Variants in WASF3 observed in about 807,000 individuals in gnomAD.
The protein encoded by WASF3 is WASP family member 3.
Under a neutral mutation model 46.6 loss-of-function variants are expected in WASF3, and 11 were observed. That is an observed-to-expected ratio of 0.24 (90% CI 0.15 to 0.39). The LOEUF is 0.39. WASF3 is among the 10% of genes least tolerant of loss of function. WASF3 has a pLI of 1.00. For synonymous variants in WASF3, 242 were observed against 259.7 expected (o/e 0.93, Z 0.65); for missense variants, 576 against 669.8 (o/e 0.86, Z 1.55).
intron 3 of WASF3, among the ~76,000 whole-genome samples, chr13:26,659,242 T>A (rs2137450741): frequency 6.6e-6 from 1 of 152,226 alleles, no homozygotes; most frequent in African/African-American, 2.4e-5. Context: ...CATGTGAGTT[T>A]CTGGAGCAGA....
At position 26,584,925 on chromosome 13, in the gene WASF3, A is replaced by C. The variant is rs527773742; in HGVS notation, c.-109+27106A>C. Among the ~76,000 whole-genome samples, 3 of 152,198 alleles carry C rather than the reference A, an allele frequency of 2.0e-5. No homozygotes were observed. In the East Asian group the frequency reaches 5.8e-4, roughly 29 times the overall value. ...TGTTGTTACTCTGCTGATAGTTCTG[A>C]TAACTCATGCTAACTAAATAGTTAA... On this transcript the variant is annotated intron_variant, in intron 1 of 9. Transcript: ENST00000335327.
At chr13:26,561,501 AGT>A (rs1879294314) in intron 1 of WASF3, among the ~76,000 whole-genome samples, 1 of 152,268 alleles carries the variant, frequency 6.6e-6, no homozygotes, top group African/African-American at 2.4e-5. Context: ...CTGAGGGGAC[AGT>A]GTGTTCAGTT....
intron 1 of WASF3, among the ~76,000 whole-genome samples, chr13:26,562,910 CTCTTT>C (rs1178501033): frequency 3.4e-4 from 27 of 78,494 alleles, no homozygotes; most frequent in East Asian, 3.0e-3. Context: ...CTTTTCTTTT[CTCTTT>C]TCTTTTCTTT....
intron 2 of WASF3, among the ~76,000 whole-genome samples, chr13:26,618,504 G>A (rs1193615947): frequency 4.8e-5 from 3 of 63,032 alleles, no homozygotes; most frequent in Non-Finnish European, 9.4e-5. Flanking sequence ...CCGCCCCCCC[G>A]TCTCTTTCAT....
rs781699495 is a variant in WASF3, at chr13:26,682,627, T to C, written c.1004T>C (p.Ile335Thr). The C allele has an allele frequency of 1.2e-6, 2 of 1,614,138 alleles. No homozygotes were observed. Among genetic ancestry groups the C allele is most frequent in the Admixed American group, 3.3e-5 (2 of 60,028 alleles). The change falls in exon 9 of 10, where the codon ATT (isoleucine) becomes ACT (threonine). Residue 335 changes from isoleucine (I) to threonine (T), a missense_variant. Coordinates refer to ENST00000335327, the MANE Select transcript of WASF3 (RefSeq NM_006646.6). The surrounding 1 kb of genome is among the most constrained non-coding windows in gnomAD (Gnocchi z 4.4). ...CTCAGGATGCTCCCAGCGCAGATAA[T>C]TGAGTATTACAACCCATCCGGACCA... is the stretch of plus-strand genomic sequence containing the variant. ...ADYGMLPAQI[I>T]EYYNPSGPPP...
In WASF3 at chr13:26,659,366, G is replaced by A. The variant is rs941478303; in HGVS notation, c.134-5662G>A. Among the ~76,000 whole-genome samples the A allele has an allele frequency of 1.9e-4, 29 of 152,334 alleles. No homozygotes were observed. In the South Asian group the frequency reaches 2.5e-3, roughly 13 times the overall value. ...GGTAGTTGGAGTGGGACATACAAGCGAGAGGTTAATAGGAGATGAGGCCCA... is the reference window on the plus strand; with the variant it reads ...GGTAGTTGGAGTGGGACATACAAGCAAGAGGTTAATAGGAGATGAGGCCCA... On this transcript the variant is annotated intron_variant, in intron 3 of 9. Coordinates refer to ENST00000335327, the MANE Select transcript of WASF3 (RefSeq NM_006646.6).
chr13:26,666,889 A>AAT (rs1882790594), intron 4 of WASF3, among the ~76,000 whole-genome samples: 1 of 151,000 alleles, frequency 6.6e-6, no homozygotes, highest in African/African-American at 2.4e-5. Context: ...AAAAAAAAAA[A>AAT]AGAGGTGAGT....
At chr13:26,610,581 T>C (rs1880942278) in intron 1 of WASF3, among the ~76,000 whole-genome samples, 1 of 152,138 alleles carries the variant, frequency 6.6e-6, no homozygotes, top group Admixed American at 6.5e-5. Context: ...GACCTTTGGA[T>C]ACCTGGAAAC....
chr13:26,559,817 T>TTCTTTC (rs1879234078), intron 1 of WASF3, among the ~76,000 whole-genome samples: 1 of 102,908 alleles, frequency 9.7e-6, no homozygotes, highest in Non-Finnish European at 2.1e-5. Context: ...TCTTTTTTTT[T>TTCTTTC]TTTTTTTTTT....
chr13:26,632,387 G>A (rs983823302), intron 2 of WASF3, among the ~76,000 whole-genome samples: 2 of 152,160 alleles, frequency 1.3e-5, no homozygotes, highest in South Asian at 4.2e-4. Context: ...ACAAAGGACT[G>A]TTGAATTTTG....
chr13:26,601,828 C>T (rs1192685989), intron 1 of WASF3, among the ~76,000 whole-genome samples: 1 of 152,208 alleles, frequency 6.6e-6, no homozygotes, highest in African/African-American at 2.4e-5. Flanking sequence ...GCCACCTAAC[C>T]TCAAAGAATG....
At chr13:26,540,694 C>T in the WASF3 span, among the ~76,000 whole-genome samples, 1 of 152,238 alleles carries the variant, frequency 6.6e-6, no homozygotes, top group East Asian at 1.9e-4. Context: ...CATGTCTCTG[C>T]TCCTGCTTCA....
chr13:26,682,846 C>T lies in WASF3; in HGVS notation c.1223C>T (p.Pro408Leu). The change falls in exon 9 of 10, where the codon CCT becomes CTT. Residue 408 changes from proline (P) to leucine (L), a missense_variant. By Grantham distance (98) the Pro-to-Leu change is moderately conservative (BLOSUM62 -3). Around this residue, in one of 3 missense-constraint regions of WASF3, gnomAD observed 295 missense variants for 291.5 expected, o/e 1.01. Coordinates refer to ENST00000335327, the MANE Select transcript of WASF3 (RefSeq NM_006646.6). This position sits in a 1 kb window ranked among gnomAD's most constrained non-coding sequence, Gnocchi z 4.4. ...CCACCACCTCCCCCGCCAGGCCCTC[C>T]TGGTCCCGGGTCTTCTCTTTCGTCC... ...PGPPPPPPGP[P>L]GPGSSLSSSP... 1 of 1,611,540 alleles carries T rather than the reference C, an allele frequency of 6.2e-7. No individual in the cohort carries two copies. Among genetic ancestry groups the T allele is most frequent in the Non-Finnish European group, 8.5e-7 (1 of 1,179,964 alleles).
chr13:26,559,742 T>C (rs1879217884), intron 1 of WASF3, among the ~76,000 whole-genome samples: 1 of 151,936 alleles, frequency 6.6e-6, no homozygotes, highest in Admixed American at 6.6e-5. Flanking sequence ...TTTTTCACTT[T>C]GGGTGGCTCT....
At chr13:26,547,822 C>T in the WASF3 span, among the ~76,000 whole-genome samples, 1 of 152,172 alleles carries the variant, frequency 6.6e-6, no homozygotes, top group East Asian at 1.9e-4. Flanking sequence ...GCTCCCTGGA[C>T]ACTTGTCCAC....
intron 3 of WASF3, among the ~76,000 whole-genome samples, chr13:26,653,187 A>G (rs191892198): frequency 2.3e-4 from 35 of 152,246 alleles, no homozygotes; most frequent in Admixed American, 6.5e-4. Flanking sequence ...GTCTCCTCCA[A>G]CGGAGCACTG....
At chr13:26,605,554 T>C (rs1447834947) in intron 1 of WASF3, among the ~76,000 whole-genome samples, 1 of 152,114 alleles carries the variant, frequency 6.6e-6, no homozygotes, top group Non-Finnish European at 1.5e-5. Context: ...TTTTTGAGTG[T>C]TGTCTATGTG....
chr13:26,663,629 ATTC>A lies in WASF3; in HGVS notation c.134-1393_134-1391del, dbSNP rs1306745844. On this transcript the variant is annotated intron_variant, in intron 3 of 9. Transcript: ENST00000335327. ...GATTTATTCTTATTTTCTAAGAGGA[ATTC>A]TTCTTGTTAAAACAGTTACACAGAA... Among the ~76,000 whole-genome samples the A allele has an allele frequency of 1.8e-4, 27 of 152,338 alleles. No individual in the cohort carries two copies. In the South Asian group the frequency reaches 2.1e-3, roughly 12 times the overall value.
intron 3 of WASF3, among the ~76,000 whole-genome samples, chr13:26,646,071 A>G (rs1316988667): frequency 6.6e-6 from 1 of 152,242 alleles, no homozygotes; most frequent in Admixed American, 6.5e-5. Context: ...AATAATTGAT[A>G]AGTCACATCA....
Sources: gnomAD v4.1 joint callset for allele counts (sites outside exome capture counted in the v4.1 genomes callset) on GRCh38, gnomAD v4.1.1 for gene constraint, gnomAD v4.1.1 regional missense constraint, Gnocchi (gnomAD v3.1) non-coding constraint, MANE v1.5 for transcripts, NCBI Gene and HGNC (gene_info 2026-07-23, HGNC 2026-07-21) for gene names.